The following LRRTM4 variants were observed in gnomAD, a reference collection of about 807,000 sequenced individuals.
The protein encoded by LRRTM4 is leucine rich repeat transmembrane neuronal 4.
In LRRTM4, 25 loss-of-function variants were observed where a neutral mutation model predicts 47.6. That is an observed-to-expected ratio of 0.53 (90% CI 0.38 to 0.73). The LOEUF is 0.73. Ranked by LOEUF, LRRTM4 falls within the 30% of genes least tolerant of loss-of-function variation. The pLI is 0.00. For missense variants in LRRTM4, 638 were observed against 713.4 expected, an observed-to-expected ratio of 0.89 and a Z score of 1.20; for synonymous variants, 311 against 269.5, an observed-to-expected ratio of 1.15 and a Z score of -1.51.
chr2:76,942,581 G>C (rs1675184294), intron 3 of LRRTM4, among the ~76,000 whole-genome samples: 1 of 148,184 alleles, frequency 6.7e-6, no homozygotes, highest in Non-Finnish European at 1.5e-5. Flanking sequence ...AAAATGATCT[G>C]TCAAAAAGCT....
chr2:77,048,543 A>C (rs964172220), intron 3 of LRRTM4, among the ~76,000 whole-genome samples: 4 of 152,132 alleles, frequency 2.6e-5, no homozygotes, highest in African/African-American at 9.6e-5. Context: ...TCTAAATAAA[A>C]ATTCTATTGA....
At chr2:77,418,521 C>A (rs899387054) in intron 3 of LRRTM4, among the ~76,000 whole-genome samples, 9 of 152,158 alleles carry the variant, frequency 5.9e-5, no homozygotes, top group Non-Finnish European at 1.2e-4. Flanking sequence ...ACTAATAATT[C>A]TGTGCTCAAA....
chr2:76,806,846 A>G (rs1324700639), intron 3 of LRRTM4, among the ~76,000 whole-genome samples: 2 of 152,158 alleles, frequency 1.3e-5, no homozygotes, highest in Non-Finnish European at 2.9e-5. Flanking sequence ...GGTACTTAGA[A>G]AAGATAAATG....
At chr2:76,820,728 AG>A (rs377418656) in intron 3 of LRRTM4, among the ~76,000 whole-genome samples, 1 of 151,894 alleles carries the variant, frequency 6.6e-6, no homozygotes, top group East Asian at 1.9e-4. Context: ...TAAAAATAAT[AG>A]AGAAGTATGC....
At chr2:77,113,574 A>G (rs1453069943) in intron 3 of LRRTM4, among the ~76,000 whole-genome samples, 1 of 152,142 alleles carries the variant, frequency 6.6e-6, no homozygotes, top group Admixed American at 6.6e-5. Context: ...AGTGACAGGA[A>G]AAGCATGTGT....
At chr2:76,988,981 A>G (rs1676907490) in intron 3 of LRRTM4, among the ~76,000 whole-genome samples, 1 of 151,892 alleles carries the variant, frequency 6.6e-6, no homozygotes, top group Non-Finnish European at 1.5e-5. Context: ...AGGTATTATC[A>G]ATTATTATGA....
Position 76,809,314 on chromosome 2 carries a change from T to TTTC in LRRTM4, c.1552-60401_1552-60399dup, listed in dbSNP as rs539987049. Reference sequence around the variant, plus strand: ...ATGGTTTCCATTTTTATTCAGTATTTTTCTAAGTGTGGACTTTGATGTTTG... The same window carrying TTTC: ...ATGGTTTCCATTTTTATTCAGTATTTTTCTTCTAAGTGTGGACTTTGATGTTTG... On this transcript the variant is annotated intron_variant, in intron 3 of 3. Coordinates refer to ENST00000409884, the MANE Select transcript of LRRTM4 (RefSeq NM_001134745.3). Among the ~76,000 whole-genome samples, 10 of 152,302 alleles carry TTTC rather than the reference T, an allele frequency of 6.6e-5. No homozygotes were observed. In the South Asian group the frequency reaches 2.1e-3, roughly 32 times the overall value.
chr2:77,516,790 A>G, intron 3 of LRRTM4: 1 of 977,138 alleles, frequency 1.0e-6, no homozygotes, highest in Admixed American at 6.2e-5. Context: ...AAGAAAATGA[A>G]TTCTTTGAAG....
intron 3 of LRRTM4, among the ~76,000 whole-genome samples, chr2:76,959,738 T>C (rs1055971441): frequency 2.0e-5 from 3 of 151,610 alleles, no homozygotes; most frequent in Admixed American, 6.6e-5. Flanking sequence ...TCTAACTTGA[T>C]AGGCTGTGGG....
At position 77,035,501 on chromosome 2, in the gene LRRTM4, C is replaced by T. The variant is rs972353515; in HGVS notation, c.1552-286585G>A. Among the ~76,000 whole-genome samples the T allele has an allele frequency of 2.6e-5, 4 of 151,952 alleles. No homozygotes were observed. In the East Asian group the frequency reaches 7.7e-4, roughly 29 times the overall value. The stretch of plus-strand genomic sequence containing the variant: ...ACCTCAGGCAACACTAACAGTTTAT[C>T]ATTTCTATAATTTTATTTCATTTTT... On this transcript the variant is annotated intron_variant, in intron 3 of 3. Transcript: ENST00000409884.
intron 3 of LRRTM4, among the ~76,000 whole-genome samples, chr2:77,225,324 T>C (rs1674773909): frequency 6.7e-6 from 1 of 149,746 alleles, no homozygotes; most frequent in Non-Finnish European, 1.5e-5. Flanking sequence ...GTAACAAACC[T>C]GCACGTTGTG....
chr2:76,818,620 G>A (rs1182740534), intron 3 of LRRTM4, among the ~76,000 whole-genome samples: 1 of 151,422 alleles, frequency 6.6e-6, no homozygotes, highest in Non-Finnish European at 1.5e-5. Context: ...AATATTTAAG[G>A]TCAATATTAA....
chr2:77,225,374 TA>T lies in LRRTM4; in HGVS notation c.1551+292943del, dbSNP rs1174231302. Among the ~76,000 whole-genome samples the T allele has an allele frequency of 5.9e-3, 712 of 120,960 alleles. 4 individuals carry two copies. The highest frequency in any genetic ancestry group is 0.019 in the African/African-American group (636 of 33,088). 79.4% of individuals were successfully genotyped at this position (120,960 alleles called of 152,430 possible). A position where few individuals can be genotyped will look rare whatever the true frequency, so the allele number is the denominator to read the frequency against. ...AACTTAAAGTATAATAATAATAAAA[TA>T]AAAAAAAAGACCCATAACTAGTGTA... On this transcript the variant is annotated intron_variant, in intron 3 of 3. Transcript: ENST00000409884.
intron 3 of LRRTM4, among the ~76,000 whole-genome samples, chr2:77,091,466 T>A (rs556020956): frequency 6.6e-6 from 1 of 150,592 alleles, no homozygotes; most frequent in African/African-American, 2.5e-5. Flanking sequence ...TCCCCCATTT[T>A]ACCAGTCCTA....
chr2:77,230,931 A>G (rs1386804219), intron 3 of LRRTM4, among the ~76,000 whole-genome samples: 1 of 152,204 alleles, frequency 6.6e-6, no homozygotes, highest in Non-Finnish European at 1.5e-5. Context: ...TGTTCTTCAA[A>G]AGATTTCTAA....
intron 3 of LRRTM4, among the ~76,000 whole-genome samples, chr2:76,944,541 G>A (rs1373397345): frequency 2.0e-5 from 3 of 152,104 alleles, no homozygotes; most frequent in South Asian, 2.1e-4. Flanking sequence ...AGAACTGAAT[G>A]TATTGTTTCT....
At chr2:76,779,259 T>A (rs1256813039) in intron 3 of LRRTM4, among the ~76,000 whole-genome samples, 9 of 151,756 alleles carry the variant, frequency 5.9e-5, no homozygotes, top group Middle Eastern at 3.2e-3. Flanking sequence ...TGGAGAGTTC[T>A]GTAGATGTCT....
At chr2:77,068,336 T>C (rs1292333989) in intron 3 of LRRTM4, among the ~76,000 whole-genome samples, 1 of 152,144 alleles carries the variant, frequency 6.6e-6, no homozygotes, top group African/African-American at 2.4e-5. Context: ...AAAGTCACCT[T>C]TGTAAAGCAT....
Position 77,478,987 on chromosome 2 carries a change from C to T in LRRTM4, c.1551+39331G>A, listed in dbSNP as rs375025002. Reference sequence around the variant, plus strand: ...TAGGCTCACTGCAACCTCCGCCTCCCGGGTTCAAGCAATTCTCCTGCCTCA... The same window carrying T: ...TAGGCTCACTGCAACCTCCGCCTCCTGGGTTCAAGCAATTCTCCTGCCTCA... On this transcript the variant is annotated intron_variant, in intron 3 of 3. Coordinates refer to ENST00000409884, the MANE Select transcript of LRRTM4 (RefSeq NM_001134745.3). 2.5e-3 allele frequency among the ~76,000 whole-genome samples: 375 copies of T among 152,172 alleles called. 6 individuals are homozygous for T. The highest frequency in any genetic ancestry group is 0.02 in the South Asian group (95 of 4,822).
Sources: allele counts gnomAD v4.1 joint callset (sites outside exome capture counted in the v4.1 genomes callset), GRCh38; gene constraint gnomAD v4.1.1; transcripts MANE v1.5; gene names NCBI Gene and HGNC (gene_info 2026-07-23, HGNC 2026-07-21).